FBXO33: variants seen among roughly 807,000 people sequenced by gnomAD.
The protein encoded by FBXO33 is F-box only protein 33.
Under a neutral mutation model 46.3 loss-of-function variants are expected in FBXO33, and 22 were observed. That is an observed-to-expected ratio of 0.48 (90% CI 0.34 to 0.68). The LOEUF is 0.68. Ranked by LOEUF, FBXO33 falls within the 30% of genes least tolerant of loss-of-function variation. The pLI is 0.01. For missense variants in FBXO33, 692 were observed against 708.8 expected (o/e 0.98, Z 0.27); for synonymous variants, 337 against 291.3 (o/e 1.16, Z -1.60).
At chr14:39,404,631 T>A (rs986166953) in intron 1 of FBXO33, among the ~76,000 whole-genome samples, 3 of 151,988 alleles carry the variant, frequency 2.0e-5, no homozygotes, top group African/African-American at 4.8e-5. Flanking sequence ...CGGCTTTAAA[T>A]GGATCTTAAG....
At chr14:39,430,469 G>T (rs1326039761) in intron 1 of FBXO33, among the ~76,000 whole-genome samples, 4 of 152,098 alleles carry the variant, frequency 2.6e-5, no homozygotes. Flanking sequence ...TATATTTACT[G>T]CAAAAGGACA....
At chr14:39,426,831 C>T (rs149781703) in intron 1 of FBXO33, among the ~76,000 whole-genome samples, 138 of 152,352 alleles carry the variant, frequency 9.1e-4, no homozygotes, top group African/African-American at 2.9e-3. Context: ...AATGTTGCCA[C>T]CTAGTGACTA....
At chr14:39,409,266 T>C (rs542700505) in intron 1 of FBXO33, among the ~76,000 whole-genome samples, 1 of 152,338 alleles carries the variant, frequency 6.6e-6, no homozygotes, top group South Asian at 2.1e-4. Context: ...TTTCTGGCCA[T>C]GGTCTACGAT....
chr14:39,402,557 T>TA, intron 1 of FBXO33, 46 bp from the exon 2 acceptor site: 1 of 896,948 alleles, frequency 1.1e-6, no homozygotes. Context: ...AATTTATACT[T>TA]AAAAAATATA....
Position 39,398,903 on chromosome 14 carries a change from A to G in FBXO33, c.*613T>C, listed in dbSNP as rs879440322. On this transcript the variant is annotated 3_prime_UTR_variant, in exon 4 of 4. Coordinates refer to ENST00000298097, the MANE Select transcript of FBXO33 (RefSeq NM_203301.4). ...AATTTCAGTATTCGTGTTTACGTAA[A>G]TGCATTTTTTTTAAAAGGATTAAGC... 1.2e-4 allele frequency: 18 copies of G among 152,388 alleles called. No homozygotes were observed. The highest frequency in any genetic ancestry group is 1.0e-3 in the Admixed American group (16 of 15,298). 9.4% of individuals were successfully genotyped at this position (152,388 alleles called of 1,614,324 possible). A position where few individuals can be genotyped will look rare whatever the true frequency, so the allele number is the denominator to read the frequency against.
At chr14:39,415,672 T>G (rs56046902) in intron 1 of FBXO33, among the ~76,000 whole-genome samples, 40,977 of 152,094 alleles carry the variant, frequency 0.27, 5,774 homozygotes, top group East Asian at 0.51. Context: ...TGCTGTTGGC[T>G]TTTTCTTTTT....
At chr14:39,409,745 T>C (rs1404262146) in intron 1 of FBXO33, among the ~76,000 whole-genome samples, 1 of 152,228 alleles carries the variant, frequency 6.6e-6, no homozygotes, top group Non-Finnish European at 1.5e-5. Flanking sequence ...TCTGCTTTAA[T>C]TTCTTTTATC....
chr14:39,431,938 C>G lies in FBXO33; in HGVS notation c.225G>C (p.Leu75=). ...AAGAASLPSE[L]IVHIFSFLPA... ...GCAGAAAAGAGAAGATGTGCACGAT[C>G]AGCTCGCTGGGCAGCGACGCAGCGC... Residue 75 remains leucine (L), a synonymous_variant, in exon 1 of 4, where the codon CTG becomes CTC. Transcript: ENST00000298097. 5 of 1,533,470 alleles carry G rather than the reference C, an allele frequency of 3.3e-6. No homozygotes were observed. The highest frequency in any genetic ancestry group is 1.4e-5 in the African/African-American group (1 of 73,098). 95.0% of individuals were successfully genotyped at this position (1,533,470 alleles called of 1,614,324 possible). A position where few individuals can be genotyped will look rare whatever the true frequency, so the allele number is the denominator to read the frequency against.
chr14:39,432,319 C>G lies in FBXO33; in HGVS notation c.-157G>C, dbSNP rs908177229. ...TACTCACGTGCGTCCGAGGCCGGCA[C>G]ACTGAGTAACTGCACTGCCCTCGCT... On this transcript the variant is annotated 5_prime_UTR_variant, in exon 1 of 4. Transcript: ENST00000298097. The G allele has an allele frequency of 4.1e-4, 197 of 480,714 alleles. No individual in the cohort carries two copies. The highest frequency in any genetic ancestry group is 5.4e-4 in the Non-Finnish European group (175 of 321,214). The allele number at this position is 480,714 out of a possible 1,614,324, so 29.8% of individuals were successfully genotyped here.
In FBXO33 at chr14:39,399,337, A is replaced by ACTT. The variant is rs2075357853; in HGVS notation, c.*176_*178dup. 2 of 530,412 alleles carry ACTT rather than the reference A, an allele frequency of 3.8e-6. No individual in the cohort carries two copies. The highest frequency in any genetic ancestry group is 6.4e-6 in the Non-Finnish European group (2 of 313,978). The allele number at this position is 530,412 out of a possible 1,614,324, so 32.9% of individuals were successfully genotyped here. On this transcript the variant is annotated 3_prime_UTR_variant, in exon 4 of 4. Transcript: ENST00000298097. ...AAAGCCCTATACATTGTCACTTTGAACTTCTAAACCAATACCCGACTACGT... is the reference window on the plus strand; with the variant it reads ...AAAGCCCTATACATTGTCACTTTGAACTTCTTCTAAACCAATACCCGACTACGT...
Position 39,399,671 on chromosome 14 carries a change from G to T in FBXO33, c.1513C>A (p.Gln505Lys), listed in dbSNP as rs114799213. 8 of 1,613,874 alleles carry T rather than the reference G, an allele frequency of 5.0e-6. No homozygotes were observed. The East Asian group carries it at 1.8e-4, about 36-fold the overall frequency. Residue 505 changes from glutamine to lysine, a missense_variant, in exon 4 of 4, where the codon CAG becomes AAG. Physicochemically the swap from Gln to Lys is moderately conservative, Grantham distance 53 (BLOSUM62 1). This residue lies in a region of FBXO33 where 94 missense variants were observed against 91.9 expected (regional missense o/e 1.02). Transcript: ENST00000298097. ...IDFDQGELAD[Q>K]DVDPVHNLIE... ...AGGTTATGCACTGGATCTACATCCT[G>T]GTCGGCCAGTTCACCTTGGTCAAAA...
chr14:39,423,994 A>G (rs1222827297), intron 1 of FBXO33, among the ~76,000 whole-genome samples: 6 of 152,086 alleles, frequency 3.9e-5, no homozygotes, highest in Non-Finnish European at 5.9e-5. Context: ...TATTGTTTCT[A>G]TTTTTATAAC....
chr14:39,432,145 T>G lies in FBXO33; in HGVS notation c.18A>C (p.Ser6=). ...CTCCCGGCGGTCGGGGCTGCGGCAC[T>G]GACAAGAACAACAACATCAATGACT... MLLFL[S]VPQPRPPGAR... Residue 6 remains serine (S), a synonymous_variant, in exon 1 of 4, where the codon TCA becomes TCC. Coordinates refer to ENST00000298097, the MANE Select transcript of FBXO33 (RefSeq NM_203301.4). 1 of 1,236,834 alleles carries G rather than the reference T, an allele frequency of 8.1e-7. No homozygotes were observed. Among genetic ancestry groups the G allele is most frequent in the Non-Finnish European group, 1.0e-6 (1 of 990,260 alleles). The allele number at this position is 1,236,834 out of a possible 1,614,324, so 76.6% of individuals were successfully genotyped here. A position where few individuals can be genotyped will look rare whatever the true frequency, so the allele number is the denominator to read the frequency against.
chr14:39,431,660 T>G lies in FBXO33; in HGVS notation c.503A>C (p.Glu168Ala). The part of the protein sequence containing the change: ...GGADTGTGGE[E>A]VEALQLSARW... ...AGCTGAGAGCTGCAGGGCCTCGACT[T>G]CCTCCCCTCCAGTCCCGGTGTCCGC... The change falls in exon 1 of 4, where the codon GAA becomes GCA. Residue 168 changes from glutamate (E) to alanine (A), a missense_variant. Physicochemically the swap from Glu to Ala is moderately radical, Grantham distance 107. This residue lies in a region of FBXO33 where 412 missense variants were observed against 370.8 expected (regional missense o/e 1.11). Coordinates refer to ENST00000298097, the MANE Select transcript of FBXO33 (RefSeq NM_203301.4). 6.2e-7 allele frequency: 1 copy of G among 1,613,318 alleles called. No homozygotes were observed. Among genetic ancestry groups the G allele is most frequent in the Admixed American group, 1.7e-5 (1 of 60,002 alleles).
At chr14:39,407,820 C>G (rs912601755) in intron 1 of FBXO33, among the ~76,000 whole-genome samples, 1 of 152,126 alleles carries the variant, frequency 6.6e-6, no homozygotes, top group Non-Finnish European at 1.5e-5. Context: ...CAGAAATATT[C>G]CATTATTGGA....
chr14:39,409,017 T>C (rs1227136714), intron 1 of FBXO33, among the ~76,000 whole-genome samples: 2 of 152,100 alleles, frequency 1.3e-5, no homozygotes, highest in Non-Finnish European at 2.9e-5. Context: ...GCTCAAGGAA[T>C]CTGCCTGCCT....
chr14:39,429,572 A>C (rs1402014572), intron 1 of FBXO33, among the ~76,000 whole-genome samples: 1 of 152,260 alleles, frequency 6.6e-6, no homozygotes, highest in Non-Finnish European at 1.5e-5. Flanking sequence ...TTCAACAGTA[A>C]AGATGAGATT....
At chr14:39,426,627 A>G (rs772389594) in intron 1 of FBXO33, among the ~76,000 whole-genome samples, 4 of 151,992 alleles carry the variant, frequency 2.6e-5, no homozygotes, top group African/African-American at 7.3e-5. Context: ...TTTCATCCTC[A>G]CTTGCCACAG....
At chr14:39,404,488 A>G (rs1003640123) in intron 1 of FBXO33, among the ~76,000 whole-genome samples, 14 of 151,972 alleles carry the variant, frequency 9.2e-5, no homozygotes, top group East Asian at 1.9e-4. Context: ...CACCATGCCC[A>G]GCTAATTTTT....
Sources: allele counts gnomAD v4.1 joint callset (sites outside exome capture counted in the v4.1 genomes callset), GRCh38; gene constraint gnomAD v4.1.1; regional missense constraint gnomAD v4.1.1; transcripts MANE v1.5; gene names NCBI Gene and HGNC (gene_info 2026-07-23, HGNC 2026-07-21).